SGCZ: variants seen among roughly 807,000 people sequenced by gnomAD.
SGCZ encodes the protein sarcoglycan zeta.
In SGCZ, 40 loss-of-function variants were observed where a neutral mutation model predicts 41.3. That is an observed-to-expected ratio of 0.97 (90% CI 0.75 to 1.26). The LOEUF (loss-of-function observed/expected upper bound fraction) is 1.26, where lower values mean the gene tolerates loss of function less well. Among genes scored for constraint, SGCZ ranks in the 50% most tolerant of loss-of-function variants. The pLI is 0.00. For synonymous variants in SGCZ, 206 were observed against 137.5 expected (o/e 1.50, Z -3.49); for missense variants, 552 against 369.8 (o/e 1.49, Z -4.04).
intron 2 of SGCZ, among the ~76,000 whole-genome samples, chr8:14,405,963 G>A (rs952482366): frequency 6.6e-6 from 1 of 152,104 alleles, no homozygotes; most frequent in East Asian, 1.9e-4. Flanking sequence ...GTTTACCTTT[G>A]TCATATTTAT....
At chr8:14,711,956 A>G (rs971201107) in intron 1 of SGCZ, among the ~76,000 whole-genome samples, 1 of 152,060 alleles carries the variant, frequency 6.6e-6, no homozygotes, top group Non-Finnish European at 1.5e-5. Context: ...AAATCTTCAC[A>G]CCCTACAAAA....
intron 2 of SGCZ, among the ~76,000 whole-genome samples, chr8:14,502,128 G>A (rs1321506863): frequency 2.0e-5 from 3 of 152,046 alleles, no homozygotes; most frequent in Non-Finnish European, 2.9e-5. Context: ...GGAGAACCTA[G>A]AATTGTTAGC....
intron 2 of SGCZ, among the ~76,000 whole-genome samples, chr8:14,458,407 G>A (rs1016856815): frequency 6.6e-6 from 1 of 152,114 alleles, no homozygotes; most frequent in African/African-American, 2.4e-5. Flanking sequence ...TTCTCACAGG[G>A]TTATGCGTAG....
chr8:14,166,492 A>T (rs2116989253), intron 4 of SGCZ, among the ~76,000 whole-genome samples: 1 of 152,252 alleles, frequency 6.6e-6, no homozygotes, highest in Non-Finnish European at 1.5e-5. Flanking sequence ...ACTCTGAGGG[A>T]CCCAGGCACA....
chr8:15,137,178 A>G (rs1486441479), intron 1 of SGCZ, among the ~76,000 whole-genome samples: 3 of 151,966 alleles, frequency 2.0e-5, no homozygotes, highest in African/African-American at 7.3e-5. Context: ...ATGTTTTAGC[A>G]AAGAGACTGG....
chr8:14,663,702 G>A (rs756112969), intron 1 of SGCZ, among the ~76,000 whole-genome samples: 2 of 152,020 alleles, frequency 1.3e-5, no homozygotes, highest in Admixed American at 6.6e-5. Context: ...CTGATTAAAC[G>A]ATATGTCCCT....
intron 1 of SGCZ, among the ~76,000 whole-genome samples, chr8:14,705,755 T>A (rs1563215018): frequency 6.6e-6 from 1 of 152,084 alleles, no homozygotes; most frequent in Non-Finnish European, 1.5e-5. Context: ...AAAACATCTT[T>A]GGAAAACAGT....
chr8:14,946,976 C>CT (rs1800471897), intron 1 of SGCZ, among the ~76,000 whole-genome samples: 1 of 152,010 alleles, frequency 6.6e-6, no homozygotes, highest in Non-Finnish European at 1.5e-5. Flanking sequence ...ACCTGGACTG[C>CT]CTCTTTCTAT....
intron 3 of SGCZ, among the ~76,000 whole-genome samples, chr8:14,262,102 T>A (rs1482839212): frequency 2.6e-5 from 4 of 152,174 alleles, no homozygotes; most frequent in Admixed American, 2.6e-4. Flanking sequence ...CATGATCACA[T>A]GAGTATCAAT....
chr8:14,696,714 G>A (rs1044575718), intron 1 of SGCZ, among the ~76,000 whole-genome samples: 1 of 151,798 alleles, frequency 6.6e-6, no homozygotes, highest in Admixed American at 6.6e-5. Context: ...GTCTCATTTT[G>A]TCTTGCCTAT....
At chr8:14,402,273 G>A (rs1008538291) in intron 2 of SGCZ, among the ~76,000 whole-genome samples, 3 of 151,266 alleles carry the variant, frequency 2.0e-5, no homozygotes, top group African/African-American at 4.9e-5. Flanking sequence ...CTTTTGCTGT[G>A]CAGAAGCTCT....
chr8:14,853,379 C>T (rs1180617870), intron 1 of SGCZ: 1 of 494,648 alleles, frequency 2.0e-6, no homozygotes, highest in Non-Finnish European at 4.3e-6. Context: ...ATGCAGTTCC[C>T]TTGGGACCTA....
At chr8:14,768,031 T>G in intron 1 of SGCZ, among the ~76,000 whole-genome samples, 2 of 152,210 alleles carry the variant, frequency 1.3e-5, no homozygotes, top group East Asian at 3.9e-4. Context: ...ATCTTGTTGT[T>G]TTTAAATTTT....
intron 3 of SGCZ, among the ~76,000 whole-genome samples, chr8:14,254,858 T>C (rs968485838): frequency 2.6e-5 from 4 of 152,198 alleles, no homozygotes; most frequent in African/African-American, 9.7e-5. Flanking sequence ...TGTATTCATT[T>C]ATATTCACAT....
At chr8:15,191,984 T>C (rs1339238834) in intron 1 of SGCZ, among the ~76,000 whole-genome samples, 3 of 152,054 alleles carry the variant, frequency 2.0e-5, no homozygotes, top group Non-Finnish European at 2.9e-5. Flanking sequence ...CCTGTAAAAA[T>C]TGCATAAAAG....
intron 1 of SGCZ, among the ~76,000 whole-genome samples, chr8:14,720,029 G>A (rs1239384989): frequency 6.6e-6 from 1 of 151,942 alleles, no homozygotes; most frequent in Non-Finnish European, 1.5e-5. Flanking sequence ...ATTAATTTTT[G>A]TAGAAGGTGT....
chr8:14,248,580 T>A (rs1799184913), intron 3 of SGCZ, among the ~76,000 whole-genome samples: 1 of 152,146 alleles, frequency 6.6e-6, no homozygotes, highest in Non-Finnish European at 1.5e-5. Context: ...GGACATCATA[T>A]TTAAATAAGA....
At chr8:14,118,336 T>C (rs1802588561) in intron 5 of SGCZ, among the ~76,000 whole-genome samples, 1 of 152,206 alleles carries the variant, frequency 6.6e-6, no homozygotes, top group African/African-American at 2.4e-5. Context: ...GGTGAGGTGT[T>C]TTTCATAATT....
intron 1 of SGCZ, among the ~76,000 whole-genome samples, chr8:14,629,439 C>G (rs78169287): frequency 6.6e-6 from 1 of 152,068 alleles, no homozygotes; most frequent in Non-Finnish European, 1.5e-5. Context: ...AATGTACAAA[C>G]AGATCCATCA....
Sources: allele counts gnomAD v4.1 joint callset (sites outside exome capture counted in the v4.1 genomes callset), GRCh38; gene constraint gnomAD v4.1.1; transcripts MANE v1.5; gene names NCBI Gene and HGNC (gene_info 2026-07-23, HGNC 2026-07-21).